The following TMEFF1 variants were observed in gnomAD, a reference collection of about 807,000 sequenced individuals.
The protein encoded by TMEFF1 is transmembrane protein with EGF like and two follistatin like domains 1, also known as tomoregulin-1.
Under a neutral mutation model 47.5 loss-of-function variants are expected in TMEFF1, and 20 were observed. That is an observed-to-expected ratio of 0.42 (90% CI 0.30 to 0.61). The LOEUF (loss-of-function observed/expected upper bound fraction) is 0.61, where lower values mean the gene tolerates loss of function less well. Among genes scored for constraint, TMEFF1 ranks in the 20% least tolerant of loss-of-function variants. The pLI is 0.19. For synonymous variants in TMEFF1, 162 were observed against 166.3 expected (o/e 0.97, Z 0.20); for missense variants, 411 against 471.1 (o/e 0.87, Z 1.18).
At chr9:100,527,986 C>T (rs1252358285) in intron 5 of TMEFF1, among the ~76,000 whole-genome samples, 3 of 152,098 alleles carry the variant, frequency 2.0e-5, no homozygotes, top group Admixed American at 6.5e-5. Context: ...GGCACACTGA[C>T]ACCTCACACG....
At chr9:100,532,276 A>G (rs1308702994) in intron 5 of TMEFF1, among the ~76,000 whole-genome samples, 1 of 152,214 alleles carries the variant, frequency 6.6e-6, no homozygotes, top group Non-Finnish European at 1.5e-5. Context: ...CTGCACAGCA[A>G]AAGAAACTAC....
chr9:100,532,780 C>G (rs1386217356), intron 5 of TMEFF1, among the ~76,000 whole-genome samples: 1 of 152,052 alleles, frequency 6.6e-6, no homozygotes, highest in Non-Finnish European at 1.5e-5. Context: ...TATAAAGACA[C>G]ATGCACACGT....
intron 1 of TMEFF1, among the ~76,000 whole-genome samples, chr9:100,474,700 TGTC>T (rs1293804789): frequency 1.3e-5 from 2 of 151,614 alleles, no homozygotes; most frequent in East Asian, 2.0e-4. Flanking sequence ...CCAGGGAAGA[TGTC>T]GTGCCTGTGT....
intron 5 of TMEFF1, among the ~76,000 whole-genome samples, chr9:100,525,982 ATTAC>A (rs1308465510): frequency 6.6e-6 from 1 of 152,078 alleles, no homozygotes; most frequent in African/African-American, 2.4e-5. Flanking sequence ...CTCCTATTTT[ATTAC>A]TTCTTTTAGC....
At chr9:100,491,176 A>G (rs571982500) in intron 1 of TMEFF1, among the ~76,000 whole-genome samples, 1 of 152,316 alleles carries the variant, frequency 6.6e-6, no homozygotes, top group Admixed American at 6.5e-5. Flanking sequence ...AAATATTTAA[A>G]TATTTTAAAT....
chr9:100,536,482 G>A (rs1838510598), intron 5 of TMEFF1, among the ~76,000 whole-genome samples: 1 of 152,152 alleles, frequency 6.6e-6, no homozygotes, highest in South Asian at 2.1e-4. Context: ...AATACCTCAA[G>A]TTTTGTTTAA....
rs138396710 is a variant in TMEFF1 at position 100,505,459 on chromosome 9, A to T, written c.307-3546A>T. On this transcript the variant is annotated intron_variant, in intron 2 of 9. Transcript: ENST00000374879. ...AAAAAAAACAACTAAAAGCAATTTC[A>T]TACCAGGAGTACATGAAACAAAAAT... 2.6e-4 allele frequency among the ~76,000 whole-genome samples: 39 copies of T among 150,002 alleles called. No individual in the cohort carries two copies. In the East Asian group the frequency reaches 7.4e-3, roughly 29 times the overall value.
intron 5 of TMEFF1, among the ~76,000 whole-genome samples, chr9:100,523,303 C>T (rs1426473506): frequency 6.6e-6 from 1 of 152,160 alleles, no homozygotes; most frequent in Non-Finnish European, 1.5e-5. Flanking sequence ...ATAAGCCTAC[C>T]TTGCGTTCTC....
intron 5 of TMEFF1, among the ~76,000 whole-genome samples, chr9:100,541,183 A>G (rs919867871): frequency 6.6e-6 from 1 of 152,150 alleles, no homozygotes; most frequent in African/African-American, 2.4e-5. Flanking sequence ...ATTCATCTTC[A>G]AAAGTCTAAT....
chr9:100,540,691 G>A lies in TMEFF1; in HGVS notation c.561-7053G>A, dbSNP rs1838612870. Among the ~76,000 whole-genome samples, 3 of 152,234 alleles carry A rather than the reference G, an allele frequency of 2.0e-5. No homozygotes were observed. The South Asian group carries it at 6.2e-4, about 31-fold the overall frequency. ...ACGTTGTCACCTCTCACTACCAGCA[G>A]AGGATGAGAATTCCCTTAGCTTCTC... On this transcript the variant is annotated intron_variant, in intron 5 of 9. Coordinates refer to ENST00000374879, the MANE Select transcript of TMEFF1 (RefSeq NM_003692.5).
At chr9:100,527,261 C>T (rs894156723) in intron 5 of TMEFF1, among the ~76,000 whole-genome samples, 4 of 152,216 alleles carry the variant, frequency 2.6e-5, no homozygotes, top group Admixed American at 1.3e-4. Context: ...ATAGGAACAG[C>T]TCCGGTCTAC....
At chr9:100,486,776 A>G (rs13292589) in intron 1 of TMEFF1, among the ~76,000 whole-genome samples, 35,960 of 151,868 alleles carry the variant, frequency 0.24, 4,770 homozygotes, top group African/African-American at 0.34. Flanking sequence ...GAGACCACAG[A>G]CGTGTGCCAC....
chr9:100,545,111 G>C (rs879627599), intron 5 of TMEFF1, among the ~76,000 whole-genome samples: 2 of 152,144 alleles, frequency 1.3e-5, no homozygotes, highest in Non-Finnish European at 2.9e-5. Flanking sequence ...CTGTCATTCT[G>C]GGGTCTGGAG....
chr9:100,569,948 C>T (rs1436885115), intron 8 of TMEFF1, among the ~76,000 whole-genome samples: 3 of 152,174 alleles, frequency 2.0e-5, no homozygotes, highest in Admixed American at 6.5e-5. Context: ...GCACCTCCTA[C>T]CACACCAGTC....
intron 5 of TMEFF1, among the ~76,000 whole-genome samples, chr9:100,535,865 T>C (rs1248272426): frequency 6.6e-6 from 1 of 152,230 alleles, no homozygotes; most frequent in African/African-American, 2.4e-5. Flanking sequence ...TTTGCCTGAT[T>C]TGACCCCCTC....
chr9:100,532,286 C>T lies in TMEFF1; in HGVS notation c.561-15458C>T, dbSNP rs992710030. ...AGCCTCTGCACAGCAAAAGAAACTA[C>T]TATCAGAGTGAACAGGCAACCTACA... On this transcript the variant is annotated intron_variant, in intron 5 of 9. Coordinates refer to ENST00000374879, the MANE Select transcript of TMEFF1 (RefSeq NM_003692.5). Among the ~76,000 whole-genome samples the T allele has an allele frequency of 5.2e-3, 799 of 152,264 alleles. 6 individuals are homozygous for T. Among genetic ancestry groups the T allele is most frequent in the African/African-American group, 0.018 (759 of 41,536 alleles).
intron 2 of TMEFF1, among the ~76,000 whole-genome samples, chr9:100,503,970 T>G (rs540314354): frequency 6.6e-6 from 1 of 152,330 alleles, no homozygotes; most frequent in South Asian, 2.1e-4. Flanking sequence ...GTTATTATTT[T>G]CTACTTGCTG....
At chr9:100,569,062 C>T (rs554114281) in intron 8 of TMEFF1, among the ~76,000 whole-genome samples, 9 of 152,204 alleles carry the variant, frequency 5.9e-5, no homozygotes, top group African/African-American at 1.2e-4. Context: ...TTTGTGTGAA[C>T]GTGTTTTAAT....
intron 4 of TMEFF1, 77 bp downstream of exon 4, chr9:100,513,410 T>TTA (rs1564014652): frequency 7.9e-4 from 956 of 1,215,956 alleles, no homozygotes; most frequent in South Asian, 1.9e-3. Flanking sequence ...TTTTTTTTTT[T>TTA]AAATCAGCTT....
Sources: allele counts gnomAD v4.1 joint callset (sites outside exome capture counted in the v4.1 genomes callset), GRCh38; gene constraint gnomAD v4.1.1; transcripts MANE v1.5; gene names NCBI Gene and HGNC (gene_info 2026-07-23, HGNC 2026-07-21).